The following MPZL1 variants were observed in gnomAD, a reference collection of about 807,000 sequenced individuals.
The protein encoded by MPZL1 is myelin protein zero-like protein 1.
MPZL1 carries 16 observed loss-of-function variants against 29.3 expected under a neutral mutation model. The ratio of observed to expected loss-of-function variants is 0.55; its 90% confidence interval spans 0.37 to 0.83. The LOEUF (loss-of-function observed/expected upper bound fraction) is 0.83, where lower values mean the gene tolerates loss of function less well. MPZL1 is among the 40% of genes least tolerant of loss of function. The probability of loss-of-function intolerance (pLI) is 0.00; values close to 1 mark genes in which losing one functional copy is unlikely to be tolerated. For synonymous variants in MPZL1, 143 were observed against 132.0 expected, an observed-to-expected ratio of 1.08 and a Z score of -0.57; for missense variants, 279 against 332.9, an observed-to-expected ratio of 0.84 and a Z score of 1.26.
intron 1 of MPZL1, among the ~76,000 whole-genome samples, chr1:167,734,441 C>T (rs535055117): frequency 2.0e-5 from 3 of 152,228 alleles, no homozygotes; most frequent in Non-Finnish European, 2.9e-5. Context: ...AGTTGCGTAA[C>T]ATTAAATGCA....
At chr1:167,750,184 C>A (rs1202324386) in intron 1 of MPZL1, among the ~76,000 whole-genome samples, 3 of 151,928 alleles carry the variant, frequency 2.0e-5, no homozygotes, top group Non-Finnish European at 4.4e-5. Context: ...CTTTTCTTTT[C>A]TTTTTCCTTT....
At chr1:167,727,743 A>C (rs1381481208) in intron 1 of MPZL1, among the ~76,000 whole-genome samples, 1 of 152,186 alleles carries the variant, frequency 6.6e-6, no homozygotes, top group African/African-American at 2.4e-5. Flanking sequence ...TGCTGCCGTA[A>C]GAAAGCAGAG....
At chr1:167,761,567 A>G (rs1183696042) in intron 1 of MPZL1, among the ~76,000 whole-genome samples, 1 of 152,186 alleles carries the variant, frequency 6.6e-6, no homozygotes, top group African/African-American at 2.4e-5. Context: ...CAGCTCAGTC[A>G]TTAGCTGGGA....
intron 1 of MPZL1, among the ~76,000 whole-genome samples, chr1:167,741,093 T>G (rs1391665133): frequency 6.6e-6 from 1 of 152,174 alleles, no homozygotes; most frequent in African/African-American, 2.4e-5. Flanking sequence ...CACGGCTTAC[T>G]GCAGCCTTGA....
chr1:167,748,439 T>C (rs1243511964), intron 1 of MPZL1, among the ~76,000 whole-genome samples: 2 of 152,208 alleles, frequency 1.3e-5, no homozygotes, highest in South Asian at 2.1e-4. Flanking sequence ...TGTATGTCTT[T>C]GGAGAAATGA....
intron 1 of MPZL1, among the ~76,000 whole-genome samples, chr1:167,725,631 G>T (rs570018155): frequency 2.0e-5 from 3 of 152,108 alleles, no homozygotes; most frequent in East Asian, 1.9e-4. Flanking sequence ...GACTACAGGC[G>T]CATGCCACCA....
At chr1:167,779,295 C>T (rs530671462) in intron 5 of MPZL1, among the ~76,000 whole-genome samples, 19 of 152,060 alleles carry the variant, frequency 1.2e-4, no homozygotes, top group African/African-American at 4.3e-4. Flanking sequence ...AAAGCAATAG[C>T]GAAAATTGCT....
At chr1:167,774,519 C>G (rs1284554510) in intron 4 of MPZL1, 1 of 152,242 alleles carries the variant, frequency 6.6e-6, no homozygotes, top group Admixed American at 6.5e-5. Context: ...TGTATCTGCC[C>G]CCCTTGCATG....
At chr1:167,754,481 A>G (rs1439500183) in intron 1 of MPZL1, among the ~76,000 whole-genome samples, 3 of 152,214 alleles carry the variant, frequency 2.0e-5, no homozygotes, top group East Asian at 1.9e-4. Context: ...TCTTCAGAAT[A>G]AAGTAGATTT....
At chr1:167,726,285 C>T (rs769988484) in intron 1 of MPZL1, among the ~76,000 whole-genome samples, 3 of 152,190 alleles carry the variant, frequency 2.0e-5, no homozygotes, top group Non-Finnish European at 4.4e-5. Context: ...CCTCTCTGAC[C>T]ACCTTATTCT....
At chr1:167,730,741 T>C (rs979392178) in intron 1 of MPZL1, among the ~76,000 whole-genome samples, 2 of 152,226 alleles carry the variant, frequency 1.3e-5, no homozygotes, top group Non-Finnish European at 2.9e-5. Context: ...CTTTCTTCCT[T>C]TGAGATGAGT....
At chr1:167,740,442 T>C (rs1182669156) in intron 1 of MPZL1, among the ~76,000 whole-genome samples, 1 of 152,196 alleles carries the variant, frequency 6.6e-6, no homozygotes, top group African/African-American at 2.4e-5. Context: ...TATAGCCACC[T>C]TATATGACTT....
At chr1:167,782,458 A>G (rs12027566) in intron 5 of MPZL1, among the ~76,000 whole-genome samples, 30 of 152,146 alleles carry the variant, frequency 2.0e-4, no homozygotes, top group Non-Finnish European at 3.7e-4. Flanking sequence ...CACTTTGTAC[A>G]AATTGATTGA....
intron 5 of MPZL1, among the ~76,000 whole-genome samples, chr1:167,783,538 C>T (rs1661535277): frequency 6.6e-6 from 1 of 152,168 alleles, no homozygotes; most frequent in Admixed American, 6.5e-5. Context: ...TAGTGCATAG[C>T]ATAGACAGGG....
chr1:167,737,635 C>T (rs1161150545), intron 1 of MPZL1, among the ~76,000 whole-genome samples: 1 of 152,180 alleles, frequency 6.6e-6, no homozygotes, highest in Non-Finnish European at 1.5e-5. Flanking sequence ...TGAATGACCT[C>T]AATGGCTCTG....
intron 5 of MPZL1, among the ~76,000 whole-genome samples, chr1:167,777,397 A>G (rs1045414819): frequency 1.3e-5 from 2 of 152,196 alleles, no homozygotes; most frequent in Admixed American, 6.5e-5. Flanking sequence ...GAAACAGACA[A>G]TGTGAGCCGT....
chr1:167,740,256 G>A (rs553365926), intron 1 of MPZL1, among the ~76,000 whole-genome samples: 7 of 152,058 alleles, frequency 4.6e-5, no homozygotes, highest in African/African-American at 1.2e-4. Flanking sequence ...TTTCTGGGCC[G>A]TAACTCTTAG....
At chr1:167,784,545 A>G (rs1361084363) in intron 5 of MPZL1, among the ~76,000 whole-genome samples, 1 of 152,176 alleles carries the variant, frequency 6.6e-6, no homozygotes, top group Non-Finnish European at 1.5e-5. Context: ...GAGCAGCCTC[A>G]TTTGCCCTCA....
At chr1:167,759,318 T>C (rs1660932467) in intron 1 of MPZL1, among the ~76,000 whole-genome samples, 1 of 152,228 alleles carries the variant, frequency 6.6e-6, no homozygotes, top group African/African-American at 2.4e-5. Context: ...CTTTTATGAC[T>C]CTGTGGATGA....
Sources: gnomAD v4.1 joint callset for allele counts (sites outside exome capture counted in the v4.1 genomes callset) on GRCh38, gnomAD v4.1.1 for gene constraint, MANE v1.5 for transcripts, NCBI Gene and HGNC (gene_info 2026-07-23, HGNC 2026-07-21) for gene names.